Variants in ESRRG observed in about 807,000 individuals in gnomAD.
ESRRG encodes estrogen related receptor gamma.
ESRRG carries 13 observed loss-of-function variants against 44.0 expected under a neutral mutation model. The ratio of observed to expected loss-of-function variants is 0.30; its 90% CI spans 0.19 to 0.47. The LOEUF (loss-of-function observed/expected upper bound fraction) is 0.47. Ranked by LOEUF, ESRRG falls within the 20% of genes least tolerant of loss-of-function variation. The pLI is 1.00. For missense variants in ESRRG, 395 were observed against 580.6 expected (o/e 0.68, Z 3.29); for synonymous variants, 215 against 214.6 (o/e 1.00, Z -0.02).
chr1:216,665,079 T>C (rs370708108), intron 2 of ESRRG, among the ~76,000 whole-genome samples: 3 of 152,306 alleles, frequency 2.0e-5, no homozygotes, highest in East Asian at 3.9e-4. Context: ...CGGTTTCAAT[T>C]ACCCAAGGTA....
intron 1 of ESRRG, among the ~76,000 whole-genome samples, chr1:217,058,982 A>G (rs935608292): frequency 1.2e-4 from 18 of 148,440 alleles, no homozygotes; most frequent in Middle Eastern, 7.1e-3. Flanking sequence ...AATAATAAAA[A>G]TTATAAGCTA....
chr1:216,526,956 G>T (rs1445620204), intron 5 of ESRRG, among the ~76,000 whole-genome samples: 1 of 152,142 alleles, frequency 6.6e-6, no homozygotes. Context: ...GTTTATTTCA[G>T]CCTTAAATTA....
intron 5 of ESRRG, among the ~76,000 whole-genome samples, chr1:216,534,282 T>A (rs901331890): frequency 6.6e-6 from 1 of 151,986 alleles, no homozygotes; most frequent in African/African-American, 2.4e-5. Context: ...CGAAATCAAA[T>A]GAGAGAAGGA....
chr1:216,769,779 A>G (rs1260664853), intron 2 of ESRRG, among the ~76,000 whole-genome samples: 1 of 152,142 alleles, frequency 6.6e-6, no homozygotes, highest in Non-Finnish European at 1.5e-5. Flanking sequence ...AGAGGTTTAT[A>G]AACATTGAAT....
intron 1 of ESRRG, among the ~76,000 whole-genome samples, chr1:217,021,828 G>A (rs537124692): frequency 5.9e-5 from 9 of 152,228 alleles, no homozygotes; most frequent in Admixed American, 3.3e-4. Flanking sequence ...CTTCGACATC[G>A]GATAAAATAA....
intron 2 of ESRRG, among the ~76,000 whole-genome samples, chr1:216,739,744 T>C (rs1232241240): frequency 1.3e-5 from 2 of 152,174 alleles, no homozygotes; most frequent in Non-Finnish European, 2.9e-5. Flanking sequence ...TAACTCCTTC[T>C]CAAAATCTAT....
intron 2 of ESRRG, among the ~76,000 whole-genome samples, chr1:216,889,827 T>C (rs1227422879): frequency 6.6e-6 from 1 of 152,220 alleles, no homozygotes; most frequent in Non-Finnish European, 1.5e-5. Context: ...TTAAGTATAA[T>C]AATTATTTTA....
intron 1 of ESRRG, among the ~76,000 whole-genome samples, chr1:216,971,373 G>T (rs747652173): frequency 1.3e-5 from 2 of 152,106 alleles, no homozygotes; most frequent in African/African-American, 4.8e-5. Flanking sequence ...GATTTATTAC[G>T]AAAGCAACGT....
Position 216,874,146 on chromosome 1 carries a change from G to C in ESRRG, c.-14+65436C>G, listed in dbSNP as rs183041531. 5.7e-3 allele frequency among the ~76,000 whole-genome samples: 866 copies of C among 152,118 alleles called. 3 individuals carry two copies. The highest frequency in any genetic ancestry group is 8.9e-3 in the Non-Finnish European group (608 of 67,976). Reference sequence around the variant, plus strand: ...CTGGACCTCTCCCTGTCCACTTCTGGGTTTCAACTATGAGATCAAGTTAGA... The same window carrying C: ...CTGGACCTCTCCCTGTCCACTTCTGCGTTTCAACTATGAGATCAAGTTAGA... On this transcript the variant is annotated intron_variant, in intron 2 of 7. Transcript: ENST00000359162.
intron 2 of ESRRG, among the ~76,000 whole-genome samples, chr1:216,669,929 C>T (rs981455959): frequency 2.0e-5 from 3 of 151,998 alleles, no homozygotes; most frequent in Non-Finnish European, 2.9e-5. Context: ...TTATATACAA[C>T]ATTTCTTTGG....
chr1:216,836,558 A>G (rs12743319), intron 2 of ESRRG, among the ~76,000 whole-genome samples: 34,866 of 152,090 alleles, frequency 0.23, 4,246 homozygotes, highest in African/African-American at 0.3. Context: ...TGACCGGGGA[A>G]GCGCCAGGAA....
At chr1:217,129,424 G>GT (rs1318819732) in intron 1 of ESRRG, among the ~76,000 whole-genome samples, 2 of 152,168 alleles carry the variant, frequency 1.3e-5, no homozygotes, top group African/African-American at 4.8e-5. Context: ...AAGAAGTATG[G>GT]TTGGTTCCTA....
chr1:217,056,924 T>C (rs2087230751), intron 1 of ESRRG, among the ~76,000 whole-genome samples: 3 of 152,062 alleles, frequency 2.0e-5, no homozygotes, highest in Admixed American at 2.0e-4. Flanking sequence ...GAGCTAATAG[T>C]ACTCACTGGA....
Position 216,644,430 on chromosome 1 carries a change from T to TC in ESRRG, c.589+6542_589+6543insG, listed in dbSNP as rs202245475. Among the ~76,000 whole-genome samples, 802 of 147,292 alleles carry TC rather than the reference T, an allele frequency of 5.4e-3. 8 individuals carry two copies. Among genetic ancestry groups the TC allele is most frequent in the African/African-American group, 0.019 (752 of 40,268 alleles). The stretch of plus-strand genomic sequence containing the variant: ...GATACTTTATGTTTCTTTCTTTCTT[T>TC]TTTTTTTTTTTTTTCTGAGACAGAA... On this transcript the variant is annotated intron_variant, in intron 3 of 6. Transcript: ENST00000408911.
At chr1:217,032,448 T>C (rs1028766906) in intron 1 of ESRRG, among the ~76,000 whole-genome samples, 15 of 152,202 alleles carry the variant, frequency 9.9e-5, no homozygotes, top group Non-Finnish European at 4.4e-5. Context: ...TCAAGATTGA[T>C]GGTCAATACA....
chr1:216,784,953 C>G (rs1423619486), intron 2 of ESRRG, among the ~76,000 whole-genome samples: 3 of 152,012 alleles, frequency 2.0e-5, no homozygotes, highest in African/African-American at 7.2e-5. Flanking sequence ...ACCTTGGATT[C>G]CTGTGAACAA....
At chr1:217,114,747 C>T (rs897381235) in intron 1 of ESRRG, among the ~76,000 whole-genome samples, 2 of 149,892 alleles carry the variant, frequency 1.3e-5, no homozygotes, top group African/African-American at 4.9e-5. Context: ...ATCTCTGCCC[C>T]CTGGGTTCAA....
intron 1 of ESRRG, among the ~76,000 whole-genome samples, chr1:217,037,766 A>G (rs2083161290): frequency 6.6e-6 from 1 of 152,214 alleles, no homozygotes; most frequent in South Asian, 2.1e-4. Flanking sequence ...AAGAGCCTGT[A>G]AAATCAAAAA....
chr1:217,114,305 C>T (rs939904845), intron 1 of ESRRG, among the ~76,000 whole-genome samples: 6 of 151,912 alleles, frequency 3.9e-5, no homozygotes, highest in Non-Finnish European at 8.8e-5. Context: ...CCTGTGGTCT[C>T]TGTACAGAGG....
Sources: gnomAD v4.1 joint callset for allele counts (sites outside exome capture counted in the v4.1 genomes callset) on GRCh38, gnomAD v4.1.1 for gene constraint, MANE v1.5 for transcripts, NCBI Gene and HGNC (gene_info 2026-07-23, HGNC 2026-07-21) for gene names.